The following COCH variants were observed in gnomAD, a reference collection of about 807,000 sequenced individuals.
COCH encodes cochlin.
Under a neutral mutation model 54.8 loss-of-function variants are expected in COCH, and 40 were observed. The ratio of observed to expected loss-of-function variants is 0.73; its 90% CI spans 0.57 to 0.95. The LOEUF is 0.95. Ranked by LOEUF, COCH falls within the 40% of genes least tolerant of loss-of-function variation. The probability of loss-of-function intolerance (pLI) is 0.00; values close to 1 mark genes in which losing one functional copy is unlikely to be tolerated. For missense variants in COCH, 605 were observed against 675.0 expected (o/e 0.90, Z 1.15); for synonymous variants, 256 against 237.9 (o/e 1.08, Z -0.70).
downstream of COCH, among the ~76,000 whole-genome samples, chr14:30,892,353 T>C (rs1896003067): frequency 6.6e-6 from 1 of 152,142 alleles, no homozygotes; most frequent in African/African-American, 2.4e-5. Flanking sequence ...TCAATGATAA[T>C]GTACTGGGTT....
chr14:30,892,855 CAAT>C (rs1176555888), downstream of COCH, among the ~76,000 whole-genome samples: 6 of 151,628 alleles, frequency 4.0e-5, no homozygotes, highest in Non-Finnish European at 8.8e-5. Context: ...AGATTTTCGT[CAAT>C]GACTAAAATT....
chr14:30,879,777 G>A (rs572656045), intron 6 of COCH, among the ~76,000 whole-genome samples: 2 of 152,080 alleles, frequency 1.3e-5, no homozygotes, highest in East Asian at 1.9e-4. Context: ...CTGAGTAGGT[G>A]GTACTACAGG....
chr14:30,874,750 C>A, intron 1 of COCH, 159 bp downstream of exon 1: 1 of 671,324 alleles, frequency 1.5e-6, no homozygotes, highest in South Asian at 1.8e-5. Context: ...GATTTGCCGC[C>A]GAGGCGCCTC....
chr14:30,884,487 G>A (rs1187682329), intron 8 of COCH, 66 bp from the exon 9 acceptor site: 1 of 1,070,112 alleles, frequency 9.3e-7, no homozygotes, highest in African/African-American at 1.6e-5. Flanking sequence ...GTTTTTTAAG[G>A]CATGTAATGT....
chr14:30,885,026 G>C, intron 9 of COCH: 1 of 1,597,532 alleles, frequency 6.3e-7, no homozygotes, highest in South Asian at 1.1e-5. Flanking sequence ...TGACTCTGAA[G>C]AGAGACTTCT....
intron 8 of COCH, chr14:30,884,326 T>C (rs1375672469): frequency 1.9e-6 from 1 of 514,682 alleles, no homozygotes; most frequent in Non-Finnish European, 3.5e-6. Context: ...GCTTTTGGCT[T>C]ATTACCCAGA....
chr14:30,892,605 T>G (rs1896011912), downstream of COCH, among the ~76,000 whole-genome samples: 1 of 152,138 alleles, frequency 6.6e-6, no homozygotes, highest in African/African-American at 2.4e-5. Context: ...CTCAGGAGTT[T>G]GAGACCTGCC....
At chr14:30,879,382 G>A (rs3742919) in intron 5 of COCH, 41 bp from the exon 6 acceptor site, 4 of 1,594,880 alleles carry the variant, frequency 2.5e-6, no homozygotes, top group Non-Finnish European at 3.4e-6. Flanking sequence ...CTTTGGTAAA[G>A]AAGGAAAAGG....
At position 30,875,070 on chromosome 14, in the gene COCH, C is replaced by T; in HGVS notation, c.49C>T (p.Leu17=). The change falls in exon 3 of 12, where the codon CTG becomes TTG. Residue 17 remains leucine, a synonymous_variant. Transcript: ENST00000396618. The stretch of plus-strand genomic sequence containing the variant: ...TCTCTTCGCAGGTGTGTGTCTGCTG[C>T]TGCTGCCGGGGCCCGCGGGCAGCGA... ...PALGLGVCLL[L]LPGPAGSEGA... 1 of 1,601,882 alleles carries T rather than the reference C, an allele frequency of 6.2e-7. No individual in the cohort carries two copies. Among genetic ancestry groups the T allele is most frequent in the Non-Finnish European group, 8.5e-7 (1 of 1,175,006 alleles).
chr14:30,881,673 T>A (rs1895590517), intron 8 of COCH, among the ~76,000 whole-genome samples: 1 of 152,158 alleles, frequency 6.6e-6, no homozygotes, highest in Non-Finnish European at 1.5e-5. Flanking sequence ...ATTTATTAAT[T>A]GCTGGCCAGG....
In COCH at chr14:30,877,768, G is replaced by A. The variant is rs373644183; in HGVS notation, c.239+40G>A. ...ACCAGGGTGGGAGAGAAATGCAGAC[G>A]TGATTATTTCCTTTCCTGCTTTACC... On this transcript the variant is annotated intron_variant, in intron 4 of 11. Coordinates refer to ENST00000396618, the MANE Select transcript of COCH (RefSeq NM_004086.3). This position sits in a 1 kb window ranked among gnomAD's most constrained non-coding sequence, Gnocchi z 8.6. The A allele has an allele frequency of 2.9e-5, 47 of 1,613,228 alleles. No individual in the cohort carries two copies. In the Middle Eastern group the frequency reaches 7.0e-4, roughly 24 times the overall value.
rs1026546534 is a variant in COCH at position 30,889,605 on chromosome 14, T to G, written c.1478-11T>G. 5.0e-6 allele frequency: 8 copies of G among 1,612,712 alleles called. No individual in the cohort carries two copies. The African/African-American group carries it at 9.3e-5, about 19-fold the overall frequency. ...TGATTTTCAATTCACTTTAAAATGTTTTCATTGTAGGAATCACTATCTTCT... is the reference window on the plus strand; with the variant it reads ...TGATTTTCAATTCACTTTAAAATGTGTTCATTGTAGGAATCACTATCTTCT... On this transcript the variant is annotated splice_polypyrimidine_tract_variant and intron_variant, in intron 11 of 11. Transcript: ENST00000396618.
chr14:30,875,182 C>A (rs2138825902), intron 3 of COCH, 79 bp downstream of exon 3: 1 of 1,528,456 alleles, frequency 6.5e-7, no homozygotes, highest in Non-Finnish European at 8.8e-7. Flanking sequence ...TCAGATCCAG[C>A]CCCTTGGGCT....
rs1333403488 is a variant in COCH, at chr14:30,886,122, T to G, written c.1287T>G (p.Asn429Lys). The change falls in exon 11 of 12, where the codon AAT (asparagine) becomes AAG (lysine). Residue 429 changes from asparagine (N) to lysine (K), a missense_variant. Physicochemically the swap from Asn to Lys is moderately conservative, Grantham distance 94. Transcript: ENST00000396618. ...FSFTDYSTKE[N>K]VLAVIRNIRY... ...TCACTGACTATAGCACCAAAGAGAA[T>G]GTCCTAGCTGTCATCAGAAACATCC... is the stretch of plus-strand genomic sequence containing the variant. 4 of 1,613,082 alleles carry G rather than the reference T, an allele frequency of 2.5e-6. No homozygotes were observed.
downstream of COCH, among the ~76,000 whole-genome samples, chr14:30,891,621 CATAGT>C (rs1895984273): frequency 6.6e-6 from 1 of 152,156 alleles, no homozygotes; most frequent in South Asian, 2.1e-4. Flanking sequence ...CTGGGTTTAG[CATAGT>C]ATGATTTTTC....
downstream of COCH, chr14:30,895,537 T>C (rs200580815): frequency 3.7e-6 from 6 of 1,614,102 alleles, no homozygotes; most frequent in South Asian, 6.6e-5. Flanking sequence ...CTTGCACACA[T>C]GTCTTGCTGT....
chr14:30,881,794 T>C (rs534566302), intron 8 of COCH, among the ~76,000 whole-genome samples: 1 of 142,362 alleles, frequency 7.0e-6, no homozygotes, highest in Non-Finnish European at 1.5e-5. Context: ...CCGTCTCTAC[T>C]AAAAATACAA....
At chr14:30,881,224 A>G (rs563502024) in intron 8 of COCH, among the ~76,000 whole-genome samples, 8 of 152,028 alleles carry the variant, frequency 5.3e-5, no homozygotes, top group East Asian at 1.9e-4. Flanking sequence ...AAAAAAAAAA[A>G]AAAAAAGAAA....
Position 30,882,909 on chromosome 14 carries a change from G to A in COCH, c.630-1644G>A, listed in dbSNP as rs553480724. ...ATCTCTAAAAAAACAAATAAATAGCGAAATTGCTTCCTAGAAAGGTGAAGT... is the reference window on the plus strand; with the variant it reads ...ATCTCTAAAAAAACAAATAAATAGCAAAATTGCTTCCTAGAAAGGTGAAGT... On this transcript the variant is annotated intron_variant, in intron 8 of 11. Coordinates refer to ENST00000396618, the MANE Select transcript of COCH (RefSeq NM_004086.3). Among the ~76,000 whole-genome samples, 40 of 152,228 alleles carry A rather than the reference G, an allele frequency of 2.6e-4. No homozygotes were observed. The South Asian group carries it at 8.1e-3, about 31-fold the overall frequency.
Sources: gnomAD v4.1 joint callset for allele counts (sites outside exome capture counted in the v4.1 genomes callset) on GRCh38, gnomAD v4.1.1 for gene constraint, Gnocchi (gnomAD v3.1) non-coding constraint, MANE v1.5 for transcripts, NCBI Gene and HGNC (gene_info 2026-07-23, HGNC 2026-07-21) for gene names.